The following TCF12 variants were observed in gnomAD, a reference collection of about 807,000 sequenced individuals.
TCF12 encodes the protein transcription factor 12.
Under a neutral mutation model 86.0 loss-of-function variants are expected in TCF12, and 45 were observed. The observed-to-expected ratio is 0.52, with a 90% CI of 0.41 to 0.67. The LOEUF is 0.67. Among genes scored for constraint, TCF12 ranks in the 30% least tolerant of loss-of-function variants. The probability of loss-of-function intolerance (pLI) is 0.00; values close to 1 mark genes in which losing one functional copy is unlikely to be tolerated. For synonymous variants in TCF12, 330 were observed against 299.6 expected (o/e 1.10, Z -1.05); for missense variants, 881 against 859.9 (o/e 1.02, Z -0.31).
intron 3 of TCF12, among the ~76,000 whole-genome samples, chr15:57,016,810 C>G (rs2065177830): frequency 6.6e-6 from 1 of 152,046 alleles, no homozygotes; most frequent in African/African-American, 2.4e-5. Context: ...GTTTCTCCCT[C>G]TGGAACAAAG....
intron 8 of TCF12, among the ~76,000 whole-genome samples, chr15:57,198,526 G>A (rs1231865605): frequency 6.6e-6 from 1 of 152,186 alleles, no homozygotes; most frequent in African/African-American, 2.4e-5. Flanking sequence ...CTGTAGGGGC[G>A]ACTGTGCTAT....
intron 5 of TCF12, among the ~76,000 whole-genome samples, chr15:57,132,380 A>C (rs1489294084): frequency 2.0e-5 from 3 of 152,234 alleles, no homozygotes; most frequent in African/African-American, 7.2e-5. Flanking sequence ...GAAATGTGAA[A>C]TAATTAGATT....
At chr15:56,996,332 G>A (rs1462143802) in intron 3 of TCF12, among the ~76,000 whole-genome samples, 1 of 152,046 alleles carries the variant, frequency 6.6e-6, no homozygotes, top group Non-Finnish European at 1.5e-5. Context: ...GAACCCAAAA[G>A]TAAAGCCACA....
intron 3 of TCF12, among the ~76,000 whole-genome samples, chr15:56,949,072 C>G (rs996556313): frequency 3.9e-5 from 6 of 152,244 alleles, no homozygotes; most frequent in Middle Eastern, 3.4e-3. Flanking sequence ...AAAGGCAAAA[C>G]AGTTGTTAAC....
chr15:57,159,853 G>A (rs1434274640), intron 5 of TCF12, among the ~76,000 whole-genome samples: 1 of 152,158 alleles, frequency 6.6e-6, no homozygotes, highest in Non-Finnish European at 1.5e-5. Flanking sequence ...ATTCTATTTT[G>A]TACTGTTGTG....
At chr15:57,130,387 A>T (rs1268103239) in intron 5 of TCF12, among the ~76,000 whole-genome samples, 2 of 152,184 alleles carry the variant, frequency 1.3e-5, no homozygotes, top group Non-Finnish European at 2.9e-5. Context: ...TCTGTAAATT[A>T]CGTGCATACT....
chr15:57,205,976 A>G (rs1040909153), intron 8 of TCF12, among the ~76,000 whole-genome samples: 4 of 152,234 alleles, frequency 2.6e-5, no homozygotes, highest in African/African-American at 7.2e-5. Context: ...CTTTTAAAAG[A>G]AGAACATGGC....
At chr15:57,072,525 G>T in intron 4 of TCF12, 1 of 377,424 alleles carries the variant, frequency 2.6e-6, no homozygotes, top group Non-Finnish European at 4.0e-6. Flanking sequence ...TCAAAATTGT[G>T]TGTTTGCTAT....
chr15:57,066,548 C>T (rs2068888970), intron 4 of TCF12, among the ~76,000 whole-genome samples: 1 of 152,022 alleles, frequency 6.6e-6, no homozygotes, highest in Non-Finnish European at 1.5e-5. Context: ...ATTTGATTTT[C>T]AGTAACATCA....
intron 6 of TCF12, among the ~76,000 whole-genome samples, chr15:57,169,410 A>G (rs1177110277): frequency 6.6e-6 from 1 of 152,140 alleles, no homozygotes; most frequent in Non-Finnish European, 1.5e-5. Context: ...GGTAAGACAG[A>G]GGTTTAGAGT....
intron 16 of TCF12, among the ~76,000 whole-genome samples, chr15:57,259,084 A>G (rs2152043727): frequency 6.6e-6 from 1 of 152,154 alleles, no homozygotes; most frequent in Admixed American, 6.5e-5. Context: ...CAATTTTTTA[A>G]ATTTTTATTT....
intron 6 of TCF12, among the ~76,000 whole-genome samples, chr15:57,180,975 C>T (rs1046714347): frequency 2.6e-5 from 4 of 151,686 alleles, no homozygotes; most frequent in African/African-American, 4.8e-5. Context: ...CCACCACGCC[C>T]GCCTAATTTT....
chr15:57,089,916 T>C (rs10162712), intron 4 of TCF12, among the ~76,000 whole-genome samples: 1,686 of 152,190 alleles, frequency 0.011, 17 homozygotes, highest in Non-Finnish European at 0.016. Flanking sequence ...TTTTAAGTAG[T>C]AAAAGCAAAT....
chr15:57,013,696 A>G (rs528254372), intron 3 of TCF12, among the ~76,000 whole-genome samples: 5 of 152,356 alleles, frequency 3.3e-5, no homozygotes, highest in African/African-American at 9.6e-5. Context: ...GATTTCTTCC[A>G]TAATGTAGAG....
At chr15:57,139,917 G>A (rs2052834500) in intron 5 of TCF12, among the ~76,000 whole-genome samples, 1 of 152,176 alleles carries the variant, frequency 6.6e-6, no homozygotes, top group Non-Finnish European at 1.5e-5. Flanking sequence ...GTCATTATCA[G>A]TATTAACATT....
At chr15:57,021,773 G>A (rs1404328033) in intron 3 of TCF12, among the ~76,000 whole-genome samples, 1 of 151,256 alleles carries the variant, frequency 6.6e-6, no homozygotes, top group Non-Finnish European at 1.5e-5. Flanking sequence ...AGCGTGAATC[G>A]AAAATACAGT....
intron 5 of TCF12, among the ~76,000 whole-genome samples, chr15:57,128,648 G>T (rs1286460697): frequency 1.3e-5 from 2 of 152,012 alleles, no homozygotes; most frequent in Admixed American, 6.6e-5. Context: ...GAACATTTTG[G>T]TTACCCCATG....
At chr15:57,225,712 G>C (rs2058842188) in intron 8 of TCF12, among the ~76,000 whole-genome samples, 1 of 152,072 alleles carries the variant, frequency 6.6e-6, no homozygotes, top group Non-Finnish European at 1.5e-5. Context: ...AATGGGTATA[G>C]TTATTAAAGC....
rs116692988 is a variant in TCF12 at position 57,055,693 on chromosome 15, A to G, written c.149-8057A>G. ...GAAATGTTGTTACTTTCAATGTAGT[A>G]TGTCACTTTCTGGCCATTTTCAAGC... On this transcript the variant is annotated intron_variant, in intron 3 of 20. Transcript: ENST00000333725. Among the ~76,000 whole-genome samples the G allele has an allele frequency of 4.1e-3, 619 of 152,168 alleles. 3 individuals carry two copies. The highest frequency in any genetic ancestry group is 0.014 in the African/African-American group (601 of 41,498).
Sources: allele counts gnomAD v4.1 joint callset (sites outside exome capture counted in the v4.1 genomes callset), GRCh38; gene constraint gnomAD v4.1.1; transcripts MANE v1.5; gene names NCBI Gene and HGNC (gene_info 2026-07-23, HGNC 2026-07-21).